MACROH2A2: variants seen among roughly 807,000 people sequenced by gnomAD.
MACROH2A2 encodes the protein core histone macro-H2A.2.
A neutral mutation model predicts 37.6 loss-of-function variants in MACROH2A2; 6 were observed. That is an observed-to-expected ratio of 0.16 (90% CI 0.09 to 0.32). The LOEUF is 0.32. MACROH2A2 is among the 10% of genes least tolerant of loss of function. MACROH2A2 has a pLI of 1.00. For missense variants in MACROH2A2, 290 were observed against 485.9 expected (o/e 0.60, Z 3.79); for synonymous variants, 192 against 202.7 (o/e 0.95, Z 0.45).
At chr10:70,054,873 TCTC>T (rs1463642635) in intron 1 of MACROH2A2, among the ~76,000 whole-genome samples, 1 of 152,192 alleles carries the variant, frequency 6.6e-6, no homozygotes, top group Non-Finnish European at 1.5e-5. Context: ...CATGCCCAGT[TCTC>T]CTCTTCTCTG....
intron 1 of MACROH2A2, among the ~76,000 whole-genome samples, chr10:70,061,715 T>A (rs1589830199): frequency 6.6e-6 from 1 of 152,224 alleles, no homozygotes; most frequent in African/African-American, 2.4e-5. Flanking sequence ...AATACTTTTT[T>A]AAAAGGGAAT....
chr10:70,076,675 A>G (rs1356789334), intron 2 of MACROH2A2, among the ~76,000 whole-genome samples: 2 of 152,142 alleles, frequency 1.3e-5, no homozygotes, highest in Non-Finnish European at 2.9e-5. Context: ...AGGTTAACAA[A>G]TTCCCTAGAC....
chr10:70,091,871 C>G lies in MACROH2A2; in HGVS notation c.394C>G (p.Pro132Ala), dbSNP rs2072247041. The change falls in exon 4 of 9, where the codon CCA becomes GCA. Residue 132 changes from proline to alanine, a missense_variant. Pro to Ala is a conservative substitution (Grantham distance 27). Around this residue, in one of 3 missense-constraint regions of MACROH2A2, gnomAD observed 77 missense variants for 68.9 expected, o/e 1.12. Transcript: ENST00000373255. ...GTCGGAAACGATCCTCTCCCCACCC[C>G]CAGAGAAAAGAGGCAGGAAGGCCAC... ...GKSETILSPPPEKRGRKATSG... is the reference protein window; with the variant it reads ...GKSETILSPPAEKRGRKATSG... 2 of 1,614,024 alleles carry G rather than the reference C, an allele frequency of 1.2e-6. No homozygotes were observed. Among genetic ancestry groups the G allele is most frequent in the South Asian group, 1.1e-5 (1 of 91,080 alleles).
chr10:70,099,863 A>C (rs2072296583), intron 6 of MACROH2A2, among the ~76,000 whole-genome samples: 1 of 152,184 alleles, frequency 6.6e-6, no homozygotes, highest in Non-Finnish European at 1.5e-5. Context: ...AGGACTTCAG[A>C]GCTCTCCACA....
chr10:70,055,135 C>G (rs575936496), intron 1 of MACROH2A2, among the ~76,000 whole-genome samples: 15 of 152,352 alleles, frequency 9.8e-5, no homozygotes, highest in Admixed American at 9.8e-4. Flanking sequence ...TTGTCTGAGA[C>G]AACCACATCT....
chr10:70,054,502 T>C (rs2072001881), intron 1 of MACROH2A2, among the ~76,000 whole-genome samples: 1 of 152,178 alleles, frequency 6.6e-6, no homozygotes. Context: ...CTTTGCTCAT[T>C]TGTGTTTGTT....
chr10:70,068,862 T>A (rs1164005629), intron 1 of MACROH2A2, among the ~76,000 whole-genome samples: 1 of 152,230 alleles, frequency 6.6e-6, no homozygotes, highest in Admixed American at 6.5e-5. Context: ...CATTTTGGTC[T>A]GTCAGGCAAC....
chr10:70,106,727 C>G (rs911060229), intron 7 of MACROH2A2, among the ~76,000 whole-genome samples: 1 of 148,110 alleles, frequency 6.8e-6, no homozygotes, highest in Non-Finnish European at 1.5e-5. Context: ...CGCTTGAACC[C>G]GAGAGGCAGA....
intron 7 of MACROH2A2, among the ~76,000 whole-genome samples, chr10:70,102,731 A>G (rs2072313921): frequency 1.3e-5 from 2 of 152,130 alleles, no homozygotes; most frequent in Admixed American, 1.3e-4. Context: ...AAAAAAGAAA[A>G]AAGAAGAAAA....
chr10:70,079,775 G>A (rs967405318), intron 2 of MACROH2A2, among the ~76,000 whole-genome samples: 2 of 152,136 alleles, frequency 1.3e-5, no homozygotes, highest in African/African-American at 4.8e-5. Context: ...TGCACAGTGG[G>A]GATGGTGAGA....
intron 3 of MACROH2A2, 68 bp from the exon 4 acceptor site, chr10:70,091,689 A>AAAG: frequency 8.9e-7 from 1 of 1,123,952 alleles, no homozygotes; most frequent in Non-Finnish European, 1.3e-6. Context: ...AAAAAAAAAA[A>AAAG]AAGAACTGTA....
chr10:70,079,589 A>ACACG (rs1237245838), intron 2 of MACROH2A2, among the ~76,000 whole-genome samples: 1 of 151,692 alleles, frequency 6.6e-6, no homozygotes, highest in African/African-American at 2.4e-5. Flanking sequence ...ACACACACAC[A>ACACG]CACACACACA....
At chr10:70,088,222 G>A (rs927938440) in intron 2 of MACROH2A2, among the ~76,000 whole-genome samples, 15 of 147,192 alleles carry the variant, frequency 1.0e-4, no homozygotes, top group African/African-American at 2.3e-4. Flanking sequence ...GTACATTCAC[G>A]CACACACACA....
At chr10:70,086,001 ATT>A (rs56655318) in intron 2 of MACROH2A2, among the ~76,000 whole-genome samples, 32,256 of 147,786 alleles carry the variant, frequency 0.22, 3,777 homozygotes, top group African/African-American at 0.31. Context: ...TTTGCTTTGA[ATT>A]TTTTTTTTTT....
intron 2 of MACROH2A2, among the ~76,000 whole-genome samples, chr10:70,088,623 A>G (rs2072225875): frequency 6.6e-6 from 1 of 152,262 alleles, no homozygotes; most frequent in African/African-American, 2.4e-5. Flanking sequence ...AAAGTCAGCC[A>G]TGCTAAAGTT....
chr10:70,064,234 T>C (rs2072066281), intron 1 of MACROH2A2, among the ~76,000 whole-genome samples: 1 of 152,002 alleles, frequency 6.6e-6, no homozygotes, highest in Non-Finnish European at 1.5e-5. Context: ...CCAGGTGTGG[T>C]GGAAGGCTCC....
intron 1 of MACROH2A2, among the ~76,000 whole-genome samples, chr10:70,057,551 AT>A (rs1298949203): frequency 6.6e-6 from 1 of 152,234 alleles, no homozygotes; most frequent in Non-Finnish European, 1.5e-5. Flanking sequence ...ATTTGCTGTC[AT>A]GAGGGTTCTC....
At chr10:70,076,513 G>A (rs1002022054) in intron 2 of MACROH2A2, among the ~76,000 whole-genome samples, 9 of 152,070 alleles carry the variant, frequency 5.9e-5, no homozygotes, top group African/African-American at 2.2e-4. Context: ...GTTCTCTTAT[G>A]TCATAGTTAA....
intron 7 of MACROH2A2, among the ~76,000 whole-genome samples, chr10:70,100,617 CTT>C (rs34180859): frequency 8.7e-5 from 12 of 137,964 alleles, no homozygotes; most frequent in African/African-American, 8.0e-5. Context: ...ATGTTTTGTT[CTT>C]TTTTTTTTTT....
Sources: gnomAD v4.1 joint callset for allele counts (sites outside exome capture counted in the v4.1 genomes callset) on GRCh38, gnomAD v4.1.1 for gene constraint, gnomAD v4.1.1 regional missense constraint, MANE v1.5 for transcripts, NCBI Gene and HGNC (gene_info 2026-07-23, HGNC 2026-07-21) for gene names.